The following UBE2D3 variants were observed in gnomAD, a reference collection of about 807,000 sequenced individuals.
UBE2D3 encodes ubiquitin-conjugating enzyme E2 D3.
In UBE2D3, 2 loss-of-function variants were observed where a neutral mutation model predicts 22.8. The ratio of observed to expected loss-of-function variants is 0.09; its 90% CI spans 0.04 to 0.28. The LOEUF is 0.28. UBE2D3 is among the 10% of genes least tolerant of loss of function. The probability of loss-of-function intolerance (pLI) is 1.00; values close to 1 mark genes in which losing one functional copy is unlikely to be tolerated. For synonymous variants in UBE2D3, 56 were observed against 60.4 expected (o/e 0.93, Z 0.34); for missense variants, 27 against 182.5 (o/e 0.15, Z 4.91).
chr4:102,814,234 A>T (rs992691723), intron 2 of UBE2D3, among the ~76,000 whole-genome samples: 1 of 152,106 alleles, frequency 6.6e-6, no homozygotes, highest in Non-Finnish European at 1.5e-5. Flanking sequence ...AACTGAACCA[A>T]ATCAGTATTT....
chr4:102,858,851 A>AT (rs1188853649), intron 1 of UBE2D3, among the ~76,000 whole-genome samples: 2 of 151,966 alleles, frequency 1.3e-5, no homozygotes, highest in Non-Finnish European at 1.5e-5. Flanking sequence ...CAAAATTTAC[A>AT]TTTTTATATT....
intron 2 of UBE2D3, chr4:102,825,949 T>C (rs1014979907): frequency 8.5e-6 from 3 of 351,758 alleles, no homozygotes; most frequent in Non-Finnish European, 1.7e-5. Flanking sequence ...CGACTAAGAG[T>C]TTCTACTAGA....
chr4:102,859,841 AATTTG>A (rs1169513747), intron 1 of UBE2D3, among the ~76,000 whole-genome samples: 4 of 147,624 alleles, frequency 2.7e-5, no homozygotes, highest in Admixed American at 6.8e-5. Context: ...TTAGTTTCAG[AATTTG>A]ATTTGTTTTT....
intron 2 of UBE2D3, among the ~76,000 whole-genome samples, chr4:102,821,611 T>A (rs963065791): frequency 1.3e-5 from 2 of 151,864 alleles, no homozygotes; most frequent in African/African-American, 4.8e-5. Context: ...AGCTGTATTT[T>A]TTTTTTTAAA....
rs750544310 is a variant in UBE2D3 at position 102,796,296 on chromosome 4, T to C, written c.*1119A>G. On this transcript the variant is annotated 3_prime_UTR_variant, in exon 8 of 8. Coordinates refer to ENST00000453744, the MANE Select transcript of UBE2D3 (RefSeq NM_181891.3). ...AAACTCCATAAACACATTTCAAAAC[T>C]GCTGGGTCCCAAAAGTCCATCTATG... The C allele has an allele frequency of 7.9e-5, 12 of 152,410 alleles. No homozygotes were observed. Among genetic ancestry groups the C allele is most frequent in the Non-Finnish European group, 1.8e-4 (12 of 67,908 alleles). 9.4% of individuals were successfully genotyped at this position (152,410 alleles called of 1,614,324 possible). A position where few individuals can be genotyped will look rare whatever the true frequency, so the allele number is the denominator to read the frequency against.
chr4:102,800,605 T>C (rs1243622768), intron 6 of UBE2D3, among the ~76,000 whole-genome samples: 2 of 152,036 alleles, frequency 1.3e-5, no homozygotes, highest in East Asian at 3.8e-4. Context: ...AAAACAGGTG[T>C]AAAATTTTAA....
At chr4:102,807,286 A>G (rs919093414) in intron 4 of UBE2D3, among the ~76,000 whole-genome samples, 13 of 152,242 alleles carry the variant, frequency 8.5e-5, no homozygotes, top group African/African-American at 2.4e-4. Context: ...ATGCTTTGTC[A>G]CAAAGAAGTA....
At position 102,863,615 on chromosome 4, in the gene UBE2D3, A is replaced by G. The variant is rs373316729; in HGVS notation, c.-129+5100T>C. 5.3e-5 allele frequency among the ~76,000 whole-genome samples: 8 copies of G among 151,846 alleles called. No homozygotes were observed. In the East Asian group the frequency reaches 9.8e-4, roughly 19 times the overall value. On this transcript the variant is annotated intron_variant, in intron 1 of 7. Coordinates refer to the UBE2D3 transcript ENST00000338145. ...TTCAAGTGATTCTCATGCCTCAGCC[A>G]CCTGAGTAGCTGGGGTTACAGGTAT...
At chr4:102,818,575 C>T (rs1174818082) in intron 2 of UBE2D3, among the ~76,000 whole-genome samples, 1 of 152,172 alleles carries the variant, frequency 6.6e-6, no homozygotes, top group East Asian at 1.9e-4. Flanking sequence ...AGACTTTACA[C>T]AACTGAGTTG....
intron 2 of UBE2D3, chr4:102,825,597 GCTCA>G (rs767777655): frequency 1.6e-6 from 2 of 1,217,272 alleles, no homozygotes; most frequent in Non-Finnish European, 2.1e-6. Context: ...TGGAGGTTCC[GCTCA>G]CTCCCAGAGC....
intron 2 of UBE2D3, among the ~76,000 whole-genome samples, chr4:102,824,827 C>G (rs978133269): frequency 3.3e-5 from 5 of 152,226 alleles, no homozygotes; most frequent in Non-Finnish European, 7.3e-5. Context: ...GTGTAAACCA[C>G]ACTGTAACAT....
At chr4:102,807,192 T>C (rs1403553324) in intron 4 of UBE2D3, among the ~76,000 whole-genome samples, 1 of 152,216 alleles carries the variant, frequency 6.6e-6, no homozygotes, top group African/African-American at 2.4e-5. Context: ...AAATCTGTAA[T>C]TTATGGGTTG....
intron 2 of UBE2D3, among the ~76,000 whole-genome samples, chr4:102,817,745 C>T (rs927549074): frequency 3.9e-5 from 6 of 152,138 alleles, no homozygotes; most frequent in East Asian, 1.9e-4. Flanking sequence ...ATTATTCGTA[C>T]GTAGTGTGAA....
chr4:102,827,667 G>C (rs570912731), upstream of UBE2D3: 6 of 986,262 alleles, frequency 6.1e-6, no homozygotes, highest in East Asian at 4.5e-4. Context: ...AAGCCAGACG[G>C]CTTGCTTCCC....
At chr4:102,802,426 A>G (rs1726303248) in intron 5 of UBE2D3, 135 bp downstream of exon 5, 1 of 594,786 alleles carries the variant, frequency 1.7e-6, no homozygotes, top group East Asian at 3.1e-5. Context: ...CCAAAGGTTA[A>G]GAGTCAGCAT....
intron 2 of UBE2D3, chr4:102,812,874 G>A (rs2110291844): frequency 6.6e-6 from 1 of 152,246 alleles, no homozygotes; most frequent in South Asian, 2.1e-4. Context: ...AGGGCATTTT[G>A]CCATTTAAAA....
chr4:102,809,844 A>G lies in UBE2D3; in HGVS notation c.36T>C (p.Asp12=), dbSNP rs766922279. 1.2e-6 allele frequency: 2 copies of G among 1,613,688 alleles called. No homozygotes were observed. Among genetic ancestry groups the G allele is most frequent in the Non-Finnish European group, 1.7e-6 (2 of 1,179,986 alleles). The change falls in exon 3 of 8, where the codon GAT becomes GAC. Residue 12 remains aspartate, a synonymous_variant. Coordinates refer to ENST00000453744, the MANE Select transcript of UBE2D3 (RefSeq NM_181891.3). ...ALKRINKELS[D]LARDPPAQCS... ...ATTGTGCTGGAGGGTCACGGGCCAA[A>G]TCACTAAGTTCCTACACCAAGACAG...
At chr4:102,823,822 G>C (rs572638410) in intron 2 of UBE2D3, among the ~76,000 whole-genome samples, 1 of 152,076 alleles carries the variant, frequency 6.6e-6, no homozygotes, top group Non-Finnish European at 1.5e-5. Context: ...TCGATCAAAT[G>C]GACTAAAGGT....
exon 1 of UBE2D3, chr4:102,868,763 T>C (rs1260153647): frequency 1.2e-6 from 2 of 1,613,996 alleles, no homozygotes; most frequent in African/African-American, 1.3e-5. Context: ...GCTTATCTCA[T>C]CGCACACAGT....
Sources: gnomAD v4.1 joint callset for allele counts (sites outside exome capture counted in the v4.1 genomes callset) on GRCh38, gnomAD v4.1.1 for gene constraint, MANE v1.5 for transcripts, NCBI Gene and HGNC (gene_info 2026-07-23, HGNC 2026-07-21) for gene names.